The following AMOTL2 variants were observed in gnomAD, a reference collection of about 807,000 sequenced individuals.
The protein encoded by AMOTL2 is angiomotin-like protein 2.
A neutral mutation model predicts 78.4 loss-of-function variants in AMOTL2; 33 were observed. That is an observed-to-expected ratio of 0.42 (90% CI 0.32 to 0.56). The LOEUF (loss-of-function observed/expected upper bound fraction) is 0.56, where lower values mean the gene tolerates loss of function less well. Ranked by LOEUF, AMOTL2 falls within the 20% of genes least tolerant of loss-of-function variation. AMOTL2 has a pLI of 0.12. For synonymous variants in AMOTL2, 422 were observed against 428.8 expected (o/e 0.98, Z 0.20); for missense variants, 983 against 1,030.1 (o/e 0.95, Z 0.63).
rs2017045184 is a variant in AMOTL2, at chr3:134,355,457, T to C, written c.*2248A>G. 1.3e-5 allele frequency among the ~76,000 whole-genome samples: 2 copies of C among 152,172 alleles called. No individual in the cohort carries two copies. Among genetic ancestry groups the C allele is most frequent in the Non-Finnish European group, 2.9e-5 (2 of 68,034 alleles). ...GAGGCGGTGGCTAAGAACATGCACATTCTTGAATGTCCTCTGCATGGTGCC... is the reference window on the plus strand; with the variant it reads ...GAGGCGGTGGCTAAGAACATGCACACTCTTGAATGTCCTCTGCATGGTGCC... On this transcript the variant is annotated 3_prime_UTR_variant, in exon 10 of 10. Coordinates refer to ENST00000249883, the MANE Select transcript of AMOTL2 (RefSeq NM_016201.4).
At position 134,370,809 on chromosome 3, in the gene AMOTL2, G is replaced by T. The variant is rs781488547; in HGVS notation, c.625C>A (p.Pro209Thr). 43 of 1,565,658 alleles carry T rather than the reference G, an allele frequency of 2.7e-5. No individual in the cohort carries two copies. Among genetic ancestry groups the T allele is most frequent in the Non-Finnish European group, 3.7e-5 (43 of 1,155,624 alleles). The change falls in exon 2 of 10, where the codon CCC (proline) becomes ACC (threonine). Residue 209 changes from proline (P) to threonine (T), a missense_variant. Coordinates refer to ENST00000249883, the MANE Select transcript of AMOTL2 (RefSeq NM_016201.4). Reference protein sequence around the residue: ...PPAEGPESRGPPPQYPHVVLA... With the variant: ...PPAEGPESRGTPPQYPHVVLA... ...ACAACATGAGGGTACTGAGGTGGGG[G>T]TCCTCGGGACTCTGGGCCCTCAGCA...
intron 4 of AMOTL2, 74 bp downstream of exon 4, chr3:134,366,209 A>G (rs2017596598): frequency 4.5e-6 from 7 of 1,550,942 alleles, no homozygotes; most frequent in Non-Finnish European, 6.1e-6. Flanking sequence ...GAGATTCCCA[A>G]TTTTTCTCTA....
chr3:134,373,830 G>T, intron 1 of AMOTL2: 1 of 985,456 alleles, frequency 1.0e-6, no homozygotes, highest in Non-Finnish European at 1.2e-6. Flanking sequence ...TGACGTCACC[G>T]GGCTGGACAG....
chr3:134,361,167 T>C (rs1023873800), intron 6 of AMOTL2, among the ~76,000 whole-genome samples: 4 of 149,744 alleles, frequency 2.7e-5, no homozygotes, highest in African/African-American at 7.5e-5. Flanking sequence ...TGAGATTCCA[T>C]CTCAAAAAAA....
At chr3:134,362,852 T>C (rs1327357404) in intron 5 of AMOTL2, among the ~76,000 whole-genome samples, 1 of 152,216 alleles carries the variant, frequency 6.6e-6, no homozygotes, top group African/African-American at 2.4e-5. Context: ...CCTACCTTGC[T>C]GGAGAGCAGG....
At position 134,371,394 on chromosome 3, in the gene AMOTL2, G is replaced by A. The variant is rs770896393; in HGVS notation, c.40C>T (p.Arg14Cys). The A allele has an allele frequency of 5.0e-6, 8 of 1,607,024 alleles. No individual in the cohort carries two copies. Among genetic ancestry groups the A allele is most frequent in the South Asian group, 3.3e-5 (3 of 91,086 alleles). Reference sequence around the variant, plus strand: ...TAGCGCAGCTGCTCCTGGATGAGGCGGTGCAGGACTGTCCCCGAGGAGTCT... The same window carrying A: ...TAGCGCAGCTGCTCCTGGATGAGGCAGTGCAGGACTGTCCCCGAGGAGTCT... ...LEDSSGTVLH[R>C]LIQEQLRYGN... The change falls in exon 2 of 10, where the codon CGC (arginine) becomes TGC (cysteine). Residue 14 changes from arginine to cysteine, a missense_variant. Transcript: ENST00000249883.
intron 5 of AMOTL2, among the ~76,000 whole-genome samples, chr3:134,363,000 C>T (rs1044104646): frequency 2.6e-5 from 4 of 152,358 alleles, no homozygotes; most frequent in Middle Eastern, 3.4e-3. Context: ...ACTAGACACA[C>T]GTGCCACTGA....
chr3:134,373,483 CA>C (rs1397251889), intron 1 of AMOTL2: 1 of 985,452 alleles, frequency 1.0e-6, no homozygotes, highest in Non-Finnish European at 1.2e-6. Flanking sequence ...TGGGCCTTTA[CA>C]AAAACCTGCT....
In AMOTL2 at chr3:134,367,488, A is replaced by T. The variant is rs1375034812; in HGVS notation, c.1041+9T>A. On this transcript the variant is annotated intron_variant, in intron 3 of 9. Transcript: ENST00000249883. ...TGGTCTGCCCTTCTGAAGCCCCAGC[A>T]GGGCCTACCTTCTCAATGCGGCCAG... is the stretch of plus-strand genomic sequence containing the variant. 1.2e-6 allele frequency: 2 copies of T among 1,610,262 alleles called. No homozygotes were observed. The highest frequency in any genetic ancestry group is 8.5e-7 in the Non-Finnish European group (1 of 1,179,488).
rs1460717160 is a variant in AMOTL2 at position 134,374,437 on chromosome 3, G to A, written c.-157C>T. 5.1e-6 allele frequency: 5 copies of A among 985,294 alleles called. No individual in the cohort carries two copies. The highest frequency in any genetic ancestry group is 4.7e-5 in the South Asian group (1 of 21,288). 61.0% of individuals were successfully genotyped at this position (985,294 alleles called of 1,614,324 possible). A position where few individuals can be genotyped will look rare whatever the true frequency, so the allele number is the denominator to read the frequency against. On this transcript the variant is annotated 5_prime_UTR_variant, in exon 1 of 10. Coordinates refer to ENST00000249883, the MANE Select transcript of AMOTL2 (RefSeq NM_016201.4). ...GCGAAGATGTGTTCTCGGCCGTGGCGCCGACGCTCTGGCTGTTCGCGCCCC... is the reference window on the plus strand; with the variant it reads ...GCGAAGATGTGTTCTCGGCCGTGGCACCGACGCTCTGGCTGTTCGCGCCCC...
At chr3:134,373,693 A>C (rs2017969390) in intron 1 of AMOTL2, 3 of 985,272 alleles carry the variant, frequency 3.0e-6, no homozygotes, top group African/African-American at 1.7e-5. Flanking sequence ...GACCTGGAGC[A>C]CCGGTGGCCG....
chr3:134,367,697 C>A lies in AMOTL2; in HGVS notation c.841G>T (p.Gly281Cys), dbSNP rs180867534. ...CTGAGGGAGCTCAGGGGGCCATGGCCGAGAGCAGCTGGATGTGGGGGAGGG... is the reference window on the plus strand; with the variant it reads ...CTGAGGGAGCTCAGGGGGCCATGGCAGAGAGCAGCTGGATGTGGGGGAGGG... ...HPPPPHPAAL[G>C]HGPLSSLSPP... The change falls in exon 3 of 10, where the codon GGC (glycine) becomes TGC (cysteine). Residue 281 changes from glycine to cysteine, a missense_variant. Transcript: ENST00000249883. 2 of 1,613,366 alleles carry A rather than the reference C, an allele frequency of 1.2e-6. No homozygotes were observed. Among genetic ancestry groups the A allele is most frequent in the South Asian group, 1.1e-5 (1 of 91,040 alleles).
rs759667322 is a variant in AMOTL2, at chr3:134,367,522, G to A, written c.1016C>T (p.Ala339Val). The A allele has an allele frequency of 2.5e-5, 40 of 1,612,416 alleles. No homozygotes were observed. The highest frequency in any genetic ancestry group is 3.3e-5 in the Admixed American group (2 of 59,988). The change falls in exon 3 of 10, where the codon GCG (alanine) becomes GTG (valine). Residue 339 changes from alanine (A) to valine (V), a missense_variant. Coordinates refer to ENST00000249883, the MANE Select transcript of AMOTL2 (RefSeq NM_016201.4). ...ERLQRELESS[A>V]EKAGRIEKLE... ...CTTCTCAATGCGGCCAGCCTTCTCCGCAGAGCTCTCCAGCTCCCTCTGCAG... is the reference window on the plus strand; with the variant it reads ...CTTCTCAATGCGGCCAGCCTTCTCCACAGAGCTCTCCAGCTCCCTCTGCAG...
rs769844882 is a variant in AMOTL2, at chr3:134,371,098, G to T, written c.336C>A (p.Ala112=). 8 of 1,612,664 alleles carry T rather than the reference G, an allele frequency of 5.0e-6. No individual in the cohort carries two copies. The East Asian group carries it at 1.3e-4, about 27-fold the overall frequency. Residue 112 remains alanine, a synonymous_variant, in exon 2 of 10, where the codon GCC becomes GCA. Transcript: ENST00000249883. ...EELPTYEEAK[A]HSQYYAAQQA... ...GCTGGGCCGCATAGTACTGCGAGTG[G>T]GCTTTGGCCTCCTCATAGGTGGGCA...
chr3:134,361,402 G>A lies in AMOTL2; in HGVS notation c.1575+110C>T, dbSNP rs1236516516. ...CAACGGGCCTGCAGCCTAGATCTAAGCAGGGGCTCCCGGGGCCTCAGCCCT... is the reference window on the plus strand; with the variant it reads ...CAACGGGCCTGCAGCCTAGATCTAAACAGGGGCTCCCGGGGCCTCAGCCCT... On this transcript the variant is annotated intron_variant, in intron 6 of 9. Coordinates refer to ENST00000249883, the MANE Select transcript of AMOTL2 (RefSeq NM_016201.4). 5 of 1,313,206 alleles carry A rather than the reference G, an allele frequency of 3.8e-6. No individual in the cohort carries two copies. The East Asian group carries it at 1.3e-4, about 33-fold the overall frequency. 81.3% of individuals were successfully genotyped at this position (1,313,206 alleles called of 1,614,324 possible). A position where few individuals can be genotyped will look rare whatever the true frequency, so the allele number is the denominator to read the frequency against.
At chr3:134,363,822 G>T (rs2017479783) in intron 5 of AMOTL2, among the ~76,000 whole-genome samples, 1 of 152,170 alleles carries the variant, frequency 6.6e-6, no homozygotes, top group Non-Finnish European at 1.5e-5. Context: ...CCTCAGCCCT[G>T]GGGGAGGAAG....
At chr3:134,360,625 C>G (rs1167353797) in intron 6 of AMOTL2, among the ~76,000 whole-genome samples, 1 of 152,182 alleles carries the variant, frequency 6.6e-6, no homozygotes, top group Non-Finnish European at 1.5e-5. Flanking sequence ...AGAGACCAGA[C>G]AGATAATCCT....
rs1234177325 is a variant in AMOTL2, at chr3:134,361,535, G to C, written c.1552C>G (p.Leu518Val). 6.2e-7 allele frequency: 1 copy of C among 1,612,246 alleles called. No individual in the cohort carries two copies. Among genetic ancestry groups the C allele is most frequent in the Non-Finnish European group, 8.5e-7 (1 of 1,179,228 alleles). The stretch of plus-strand genomic sequence containing the variant: ...ACCTGCTGTGCACGCAGGGCCTTGA[G>C]TTCCTGCTCCAGGCGAGTCCGCAGA... ...LRLRTRLEQE[L>V]KALRAQQRQA... The change falls in exon 6 of 10, where the codon CTC becomes GTC. Residue 518 changes from leucine to valine, a missense_variant. By Grantham distance (32) the Leu-to-Val change is conservative (BLOSUM62 1). Transcript: ENST00000249883.
rs982333910 is a variant in AMOTL2, at chr3:134,355,406, G to C, written c.*2299C>G. The stretch of plus-strand genomic sequence containing the variant: ...ATATGCTTTCCTGAGCATCAGGAAA[G>C]AGTGGTGATGTCACAGCAAAGGAGG... On this transcript the variant is annotated 3_prime_UTR_variant, in exon 10 of 10. Transcript: ENST00000249883. Among the ~76,000 whole-genome samples the C allele has an allele frequency of 6.6e-6, 1 of 152,238 alleles. No homozygotes were observed. Among genetic ancestry groups the C allele is most frequent in the African/African-American group, 2.4e-5 (1 of 41,464 alleles).
Sources: gnomAD v4.1 joint callset for allele counts (sites outside exome capture counted in the v4.1 genomes callset) on GRCh38, gnomAD v4.1.1 for gene constraint, MANE v1.5 for transcripts, NCBI Gene and HGNC (gene_info 2026-07-23, HGNC 2026-07-21) for gene names.